The following NAGLU variants were observed in gnomAD, a reference collection of about 807,000 sequenced individuals.
NAGLU encodes the protein N-acetyl-alpha-glucosaminidase, also known as alpha-N-acetylglucosaminidase.
A neutral mutation model predicts 43.4 loss-of-function variants in NAGLU; 34 were observed. The ratio of observed to expected loss-of-function variants is 0.78; its 90% CI spans 0.60 to 1.04. The LOEUF (loss-of-function observed/expected upper bound fraction) is 1.04, where lower values mean the gene tolerates loss of function less well. NAGLU is among the 50% of genes least tolerant of loss of function. The pLI, the probability that NAGLU is intolerant of heterozygous loss-of-function variation, is 0.00. For missense variants in NAGLU, 910 were observed against 993.7 expected (o/e 0.92, Z 1.13); for synonymous variants, 425 against 437.6 (o/e 0.97, Z 0.36).
In NAGLU at chr17:42,537,427, A is replaced by T; in HGVS notation, c.413A>T (p.Gln138Leu). The change falls in exon 2 of 6, where the codon CAA (glutamine) becomes CTA (leucine). Residue 138 changes from glutamine (Q) to leucine (L), a missense_variant. Coordinates refer to ENST00000225927, the MANE Select transcript of NAGLU (RefSeq NM_000263.4). The part of the protein sequence containing the change: ...RYRYYQNVCT[Q>L]SYSFVWWDWA... ...CGCTATTACCAGAATGTGTGCACGC[A>T]AAGCTACTCTTTCGTGTGGTGGGAC... 1.2e-6 allele frequency: 2 copies of T among 1,614,234 alleles called. No individual in the cohort carries two copies. The highest frequency in any genetic ancestry group is 1.1e-5 in the South Asian group (1 of 91,090).
intron 2 of NAGLU, among the ~76,000 whole-genome samples, chr17:42,537,876 A>C (rs1269077274): frequency 2.0e-5 from 3 of 151,930 alleles, no homozygotes; most frequent in Admixed American, 1.3e-4. Flanking sequence ...AAAAAAAAAA[A>C]AAAACTGAGG....
intron 5 of NAGLU, among the ~76,000 whole-genome samples, chr17:42,542,758 T>G (rs1439151222): frequency 6.6e-6 from 1 of 152,138 alleles, no homozygotes; most frequent in Non-Finnish European, 1.5e-5. Flanking sequence ...CCCCTCAGAG[T>G]ACTGGGATTA....
At chr17:42,537,873 A>AC (rs2092911276) in intron 2 of NAGLU, among the ~76,000 whole-genome samples, 1 of 151,776 alleles carries the variant, frequency 6.6e-6, no homozygotes, top group African/African-American at 2.4e-5. Flanking sequence ...AAAAAAAAAA[A>AC]AAAAAAACTG....
At position 42,537,636 on chromosome 17, in the gene NAGLU, C is replaced by G; in HGVS notation, c.531+91C>G. ...GCCCCCCAGCATGGGCGCAGTGTCT[C>G]TCTCTAGAAGTGCTTTCAGCGTGCA... On this transcript the variant is annotated intron_variant, in intron 2 of 5. Coordinates refer to ENST00000225927, the MANE Select transcript of NAGLU (RefSeq NM_000263.4). 3.3e-6 allele frequency: 5 copies of G among 1,534,090 alleles called. No homozygotes were observed. In the Admixed American group the frequency reaches 7.4e-5, roughly 23 times the overall value.
intron 4 of NAGLU, among the ~76,000 whole-genome samples, 164 bp downstream of exon 4, chr17:42,538,919 C>G (rs1284716546): frequency 6.6e-6 from 1 of 152,084 alleles, no homozygotes; most frequent in Non-Finnish European, 1.5e-5. Flanking sequence ...GTCAGGAGTT[C>G]GAGACCAGCC....
In NAGLU at chr17:42,543,329, G is replaced by A. The variant is rs751479777; in HGVS notation, c.1323G>A (p.Thr441=). The A allele has an allele frequency of 5.6e-6, 9 of 1,613,450 alleles. No individual in the cohort carries two copies. The highest frequency in any genetic ancestry group is 5.9e-6 in the Non-Finnish European group (7 of 1,180,016). The change falls in exon 6 of 6, where the codon ACG becomes ACA. Residue 441 remains threonine (T), a synonymous_variant. Transcript: ENST00000225927. ...RLFPNSTMVG[T]GMAPEGISQN... ...TCCCCAACTCCACCATGGTAGGCAC[G>A]GGCATGGCCCCCGAGGGCATCAGCC...
intron 1 of NAGLU, chr17:42,536,876 G>A: frequency 1.0e-6 from 1 of 959,618 alleles, no homozygotes; most frequent in Non-Finnish European, 1.4e-6. Flanking sequence ...GTGTTATTGT[G>A]AGGATTTGCA....
At position 42,536,378 on chromosome 17, in the gene NAGLU, G is replaced by A; in HGVS notation, c.106G>A (p.Val36Met). The part of the protein sequence containing the change: ...AREAAAVRAL[V>M]ARLLGPGPAA... Reference sequence around the variant, plus strand: ...GGAGGCGGCGGCCGTGCGGGCGCTCGTGGCCCGGCTGCTGGGGCCAGGCCC... The same window carrying A: ...GGAGGCGGCGGCCGTGCGGGCGCTCATGGCCCGGCTGCTGGGGCCAGGCCC... The change falls in exon 1 of 6, where the codon GTG (valine) becomes ATG (methionine). Residue 36 changes from valine (V) to methionine (M), a missense_variant. By Grantham distance (21) the Val-to-Met change is conservative. Coordinates refer to ENST00000225927, the MANE Select transcript of NAGLU (RefSeq NM_000263.4). The A allele has an allele frequency of 7.5e-6, 9 of 1,196,708 alleles. No individual in the cohort carries two copies. Among genetic ancestry groups the A allele is most frequent in the Non-Finnish European group, 9.3e-6 (9 of 966,760 alleles). 74.1% of individuals were successfully genotyped at this position (1,196,708 alleles called of 1,614,324 possible).
At chr17:42,536,849 A>C in intron 1 of NAGLU, 194 bp downstream of exon 1, 1 of 1,102,826 alleles carries the variant, frequency 9.1e-7, no homozygotes, top group Non-Finnish European at 1.2e-6. Flanking sequence ...AAACGGAAAG[A>C]AGACGCCTAC....
intron 4 of NAGLU, among the ~76,000 whole-genome samples, chr17:42,540,674 G>C (rs1428673442): frequency 3.3e-5 from 5 of 149,528 alleles, no homozygotes; most frequent in African/African-American, 1.2e-4. Context: ...CCAGCCTGGG[G>C]GACAGAGTGA....
chr17:42,538,413 G>A lies in NAGLU; in HGVS notation c.606G>A (p.Gly202=), dbSNP rs113826639. 2.5e-6 allele frequency: 4 copies of A among 1,614,132 alleles called. No individual in the cohort carries two copies. Among genetic ancestry groups the A allele is most frequent in the Non-Finnish European group, 3.4e-6 (4 of 1,180,058 alleles). ...CTGGTCCTGCCTTCCTGGCCTGGGGGCGAATGGGCAACCTGCACACCTGGG... is the reference window on the plus strand; with the variant it reads ...CTGGTCCTGCCTTCCTGGCCTGGGGACGAATGGGCAACCTGCACACCTGGG... ...FFTGPAFLAW[G]RMGNLHTWDG... Residue 202 remains glycine (G), a synonymous_variant, in exon 3 of 6, where the codon GGG becomes GGA. Transcript: ENST00000225927.
At position 42,544,342 on chromosome 17, in the gene NAGLU, C is replaced by A; in HGVS notation, c.*104C>A. The stretch of plus-strand genomic sequence containing the variant: ...GGATAACCCAGGCCTGGGAGGAGGC[C>A]CCACGGCCTGCTGGTGGGGTCTGAC... On this transcript the variant is annotated 3_prime_UTR_variant, in exon 6 of 6. Coordinates refer to ENST00000225927, the MANE Select transcript of NAGLU (RefSeq NM_000263.4). The A allele has an allele frequency of 6.5e-7, 1 of 1,546,328 alleles. No individual in the cohort carries two copies. The highest frequency in any genetic ancestry group is 8.8e-7 in the Non-Finnish European group (1 of 1,140,454).
intron 4 of NAGLU, among the ~76,000 whole-genome samples, 196 bp from the exon 5 acceptor site, chr17:42,540,754 G>A (rs1156550183): frequency 6.6e-6 from 1 of 151,940 alleles, no homozygotes; most frequent in Non-Finnish European, 1.5e-5. Flanking sequence ...CACAGGAAGG[G>A]GAGAGATAGT....
At chr17:42,537,687 G>T in intron 2 of NAGLU, 142 bp downstream of exon 2, 1 of 1,249,088 alleles carries the variant, frequency 8.0e-7, no homozygotes, top group Admixed American at 2.2e-5. Context: ...CCTAAAAACT[G>T]AGGCTTCCGG....
rs1599261513 is a variant in NAGLU at position 42,543,647 on chromosome 17, T to C, written c.1641T>C (p.Ala547=). 1 of 1,612,856 alleles carries C rather than the reference T, an allele frequency of 6.2e-7. No homozygotes were observed. Among genetic ancestry groups the C allele is most frequent in the Non-Finnish European group, 8.5e-7 (1 of 1,179,968 alleles). The change falls in exon 6 of 6, where the codon GCT becomes GCC. Residue 547 remains alanine (A), a synonymous_variant. Coordinates refer to ENST00000225927, the MANE Select transcript of NAGLU (RefSeq NM_000263.4). ...FEAWRLLLTS[A]PSLATSPAFR... ...CCTGGCGGCTGCTGCTCACATCTGCTCCCTCCCTGGCCACCAGCCCCGCCT... is the reference window on the plus strand; with the variant it reads ...CCTGGCGGCTGCTGCTCACATCTGCCCCCTCCCTGGCCACCAGCCCCGCCT...
chr17:42,543,931 GC>G lies in NAGLU; in HGVS notation c.1927del (p.Arg643AlafsTer4). 1 of 1,608,002 alleles carries G rather than the reference GC, an allele frequency of 6.2e-7. No individual in the cohort carries two copies. Among genetic ancestry groups the G allele is most frequent in the Non-Finnish European group, 8.5e-7 (1 of 1,177,316 alleles). ...EAEADFYEQN[S>X]RYQLTLWGPE... ...GAGGCCGATTTCTACGAGCAGAACA[GC>G]CGCTACCAGCTGACCTTGTGGGGGC... On this transcript the variant is annotated frameshift_variant, in exon 6 of 6. Transcript: ENST00000225927. LOFTEE classifies it low-confidence loss of function (END_TRUNC).
chr17:42,540,113 C>CAAAAA (rs571274275), intron 4 of NAGLU, among the ~76,000 whole-genome samples: 3 of 52,202 alleles, frequency 5.7e-5, no homozygotes, highest in African/African-American at 1.3e-4. Flanking sequence ...GACTCCGTCT[C>CAAAAA]AAAAAAAAAA....
Position 42,541,148 on chromosome 17 carries a change from C to T in NAGLU, c.963C>T (p.Ser321=), listed in dbSNP as rs760910696. 3 of 1,613,764 alleles carry T rather than the reference C, an allele frequency of 1.9e-6. No individual in the cohort carries two copies. The highest frequency in any genetic ancestry group is 8.5e-7 in the Non-Finnish European group (1 of 1,180,048). The change falls in exon 5 of 6, where the codon TCC becomes TCT. Residue 321 remains serine, a synonymous_variant. Transcript: ENST00000225927. ...CTTTCAATGAGATGCAGCCACCTTC[C>T]TCAGAGCCCTCCTACCTTGCCGCAG... ...ADTFNEMQPP[S]SEPSYLAAAT...
At chr17:42,540,761 T>C (rs903868532) in intron 4 of NAGLU, among the ~76,000 whole-genome samples, 189 bp from the exon 5 acceptor site, 1 of 144,098 alleles carries the variant, frequency 6.9e-6, no homozygotes, top group Non-Finnish European at 1.5e-5. Flanking sequence ...AGGGGAGAGA[T>C]AGTGAAAGTT....
Sources: gnomAD v4.1 joint callset for allele counts (sites outside exome capture counted in the v4.1 genomes callset) on GRCh38, gnomAD v4.1.1 for gene constraint, MANE v1.5 for transcripts, NCBI Gene and HGNC (gene_info 2026-07-23, HGNC 2026-07-21) for gene names.